Variants in CDH4 observed in about 807,000 individuals in gnomAD.
CDH4 encodes cadherin-4.
In CDH4, 33 loss-of-function variants were observed where a neutral mutation model predicts 86.0. The ratio of observed to expected loss-of-function variants is 0.38; its 90% CI spans 0.29 to 0.51. The LOEUF is 0.51. Among genes scored for constraint, CDH4 ranks in the 20% least tolerant of loss-of-function variants. The probability of loss-of-function intolerance (pLI) is 0.86; values close to 1 mark genes in which losing one functional copy is unlikely to be tolerated. For missense variants in CDH4, 1,114 were observed against 1,307.4 expected (o/e 0.85, Z 2.28); for synonymous variants, 555 against 549.4 (o/e 1.01, Z -0.14).
chr20:61,932,649 A>G (rs950318546), intron 13 of CDH4, among the ~76,000 whole-genome samples: 1 of 152,192 alleles, frequency 6.6e-6, no homozygotes, highest in African/African-American at 2.4e-5. Flanking sequence ...CCTCCTGCAG[A>G]TACACGTATG....
chr20:61,318,010 TAGAGGTTA>T (rs1210207080), intron 2 of CDH4, among the ~76,000 whole-genome samples: 1 of 152,056 alleles, frequency 6.6e-6, no homozygotes, highest in Non-Finnish European at 1.5e-5. Context: ...CCTAAATGGG[TAGAGGTTA>T]AGAGACCCAG....
intron 2 of CDH4, among the ~76,000 whole-genome samples, chr20:61,543,713 G>C (rs2145659180): frequency 6.6e-6 from 1 of 152,362 alleles, no homozygotes; most frequent in South Asian, 2.1e-4. Context: ...AAAGACTCGT[G>C]AATGGCAGCT....
At position 61,501,876 on chromosome 20, in the gene CDH4, C is replaced by T. The variant is rs902715718; in HGVS notation, c.170-241687C>T. On this transcript the variant is annotated intron_variant, in intron 2 of 15. Coordinates refer to ENST00000614565, the MANE Select transcript of CDH4 (RefSeq NM_001794.5). The surrounding 1 kb of genome is among the most constrained non-coding windows in gnomAD (Gnocchi z 4.2). ...CGTGTGTCCTTGTATATACCTGTTG[C>T]GCCTGCGAGAACATGTTCTCCACTC... Among the ~76,000 whole-genome samples the T allele has an allele frequency of 2.0e-5, 3 of 152,116 alleles. No individual in the cohort carries two copies. The highest frequency in any genetic ancestry group is 1.9e-4 in the East Asian group (1 of 5,176).
rs1203454730 is a variant in CDH4 at position 61,263,698 on chromosome 20, T to TTA, written c.169+8763_169+8764dup. On this transcript the variant is annotated intron_variant, in intron 2 of 15. Transcript: ENST00000614565. ...ATGTAGCAGCTTAAACAACACAAAG[T>TTA]TATTATCTTGTGGTTCTGAAGGTCA... 2.0e-5 allele frequency among the ~76,000 whole-genome samples: 3 copies of TTA among 152,128 alleles called. No homozygotes were observed. In the East Asian group the frequency reaches 5.8e-4, roughly 29 times the overall value.
intron 2 of CDH4, among the ~76,000 whole-genome samples, chr20:61,527,339 TC>T (rs1161432512): frequency 6.6e-6 from 1 of 152,084 alleles, no homozygotes; most frequent in Non-Finnish European, 1.5e-5. Context: ...CATCTCCACT[TC>T]CCGGGTTCAA....
intron 4 of CDH4, among the ~76,000 whole-genome samples, chr20:61,824,491 ACCTAAG>A (rs997191325): frequency 1.5e-4 from 23 of 152,290 alleles, no homozygotes; most frequent in Non-Finnish European, 3.2e-4. Flanking sequence ...CACAGGTCTC[ACCTAAG>A]GAGGTGAAAT....
intron 2 of CDH4, among the ~76,000 whole-genome samples, chr20:61,328,838 G>A (rs1341886273): frequency 1.3e-5 from 2 of 152,166 alleles, no homozygotes; most frequent in African/African-American, 4.8e-5. Context: ...GCTCAAGGAG[G>A]ACCTTGGCCT....
At chr20:61,766,089 G>A (rs2145976559) in intron 3 of CDH4, among the ~76,000 whole-genome samples, 1 of 152,050 alleles carries the variant, frequency 6.6e-6, no homozygotes, top group East Asian at 1.9e-4. Flanking sequence ...AGGAGCCTGG[G>A]CCCACACCTC....
intron 8 of CDH4, among the ~76,000 whole-genome samples, chr20:61,906,833 C>A (rs890816333): frequency 1.3e-5 from 2 of 152,158 alleles, no homozygotes; most frequent in Admixed American, 1.3e-4. Context: ...GTGGTGTGTG[C>A]TGTGGGGCCT....
At chr20:61,777,141 CT>C (rs1313464747) in intron 4 of CDH4, among the ~76,000 whole-genome samples, 1 of 140,140 alleles carries the variant, frequency 7.1e-6, no homozygotes, top group Non-Finnish European at 1.6e-5. Context: ...CTTTATTCAC[CT>C]ACTTACTTCT....
At chr20:61,343,498 G>A (rs900876181) in intron 2 of CDH4, among the ~76,000 whole-genome samples, 9 of 152,216 alleles carry the variant, frequency 5.9e-5, no homozygotes, top group Non-Finnish European at 8.8e-5. Context: ...CTCAAGCAAC[G>A]TTTGTGATGT....
chr20:61,678,233 G>A (rs2087468679), intron 2 of CDH4, among the ~76,000 whole-genome samples: 1 of 152,064 alleles, frequency 6.6e-6, no homozygotes, highest in Non-Finnish European at 1.5e-5. Context: ...CAGATACATA[G>A]ATTATGGATG....
chr20:61,931,935 G>T (rs2055115775), intron 13 of CDH4, among the ~76,000 whole-genome samples: 1 of 152,130 alleles, frequency 6.6e-6, no homozygotes, highest in Non-Finnish European at 1.5e-5. Context: ...GAGCCCCTCT[G>T]AGTGACCCCC....
intron 2 of CDH4, among the ~76,000 whole-genome samples, chr20:61,321,351 G>A (rs2084507203): frequency 1.3e-5 from 2 of 152,148 alleles, no homozygotes; most frequent in African/African-American, 4.8e-5. Flanking sequence ...CAGAGGCGGG[G>A]TTACTCTTAA....
chr20:61,845,361 G>A (rs922901677), intron 5 of CDH4, among the ~76,000 whole-genome samples: 13 of 152,180 alleles, frequency 8.5e-5, no homozygotes, highest in Non-Finnish European at 1.3e-4. Flanking sequence ...CCTGTCAGGG[G>A]CTGTGCACGG....
chr20:61,389,947 A>T (rs1386496598), intron 2 of CDH4, among the ~76,000 whole-genome samples: 2 of 148,930 alleles, frequency 1.3e-5, no homozygotes, highest in African/African-American at 2.5e-5. Context: ...TCGTGCGGTC[A>T]TAGGGTGTCC....
intron 2 of CDH4, among the ~76,000 whole-genome samples, chr20:61,679,162 G>A (rs996423589): frequency 2.6e-5 from 4 of 152,136 alleles, no homozygotes; most frequent in Admixed American, 1.3e-4. Context: ...GCGTGGCATG[G>A]CCTGGTGTTT....
intron 4 of CDH4, among the ~76,000 whole-genome samples, chr20:61,808,140 C>T: frequency 6.6e-6 from 1 of 151,922 alleles, no homozygotes; most frequent in Non-Finnish European, 1.5e-5. Context: ...CCCCCACAGC[C>T]TGGGGAAGGC....
chr20:61,650,597 CAGG>C (rs1297528132), intron 2 of CDH4, among the ~76,000 whole-genome samples: 1 of 152,142 alleles, frequency 6.6e-6, no homozygotes, highest in Non-Finnish European at 1.5e-5. Flanking sequence ...TGTGCACAGC[CAGG>C]AGGACACACC....
Sources: allele counts gnomAD v4.1 joint callset (sites outside exome capture counted in the v4.1 genomes callset), GRCh38; gene constraint gnomAD v4.1.1; non-coding constraint Gnocchi (gnomAD v3.1); transcripts MANE v1.5; gene names NCBI Gene and HGNC (gene_info 2026-07-23, HGNC 2026-07-21).